Variants in HMCN1 observed in about 807,000 individuals in gnomAD.
The protein encoded by HMCN1 is hemicentin-1.
A neutral mutation model predicts 625.9 loss-of-function variants in HMCN1; 321 were observed. That is an observed-to-expected ratio of 0.51 (90% confidence interval 0.47 to 0.56). HMCN1 has a LOEUF of 0.56. Ranked by LOEUF, HMCN1 falls within the 20% of genes least tolerant of loss-of-function variation. HMCN1 has a pLI of 0.00. For synonymous variants in HMCN1, 2,425 were observed against 2,417.6 expected, an observed-to-expected ratio of 1.00 and a Z score of -0.09; for missense variants, 6,588 against 6,887.3, an observed-to-expected ratio of 0.96 and a Z score of 1.54.
intron 52 of HMCN1, among the ~76,000 whole-genome samples, chr1:186,073,182 A>G (rs975284664): frequency 1.3e-5 from 2 of 152,166 alleles, no homozygotes; most frequent in African/African-American, 4.8e-5. Context: ...TAGTGTCCCA[A>G]AAGATAAGTG....
At chr1:185,850,725 C>T (rs553656723) in intron 2 of HMCN1, among the ~76,000 whole-genome samples, 1 of 152,068 alleles carries the variant, frequency 6.6e-6, no homozygotes, top group South Asian at 2.1e-4. Context: ...AAGCTGGGGT[C>T]TATTTCTCTG....
chr1:185,808,999 G>A (rs1461996711), intron 1 of HMCN1, among the ~76,000 whole-genome samples: 1 of 152,142 alleles, frequency 6.6e-6, no homozygotes, highest in Non-Finnish European at 1.5e-5. Context: ...TTGTGATCCA[G>A]AGCCAAAGGA....
chr1:186,154,931 A>C (rs962434245), intron 97 of HMCN1, among the ~76,000 whole-genome samples: 1 of 152,156 alleles, frequency 6.6e-6, no homozygotes, highest in African/African-American at 2.4e-5. Flanking sequence ...GTGGGGTTTT[A>C]ATGCTGGGAT....
intron 2 of HMCN1, among the ~76,000 whole-genome samples, chr1:185,850,059 C>T (rs1571443958): frequency 6.6e-6 from 1 of 152,070 alleles, no homozygotes; most frequent in African/African-American, 2.4e-5. Flanking sequence ...CTTTCATGTA[C>T]CCTTATTGCA....
chr1:186,189,398 C>A, intron 106 of HMCN1, 114 bp from the exon 107 acceptor site: 2 of 1,101,914 alleles, frequency 1.8e-6, no homozygotes, highest in Non-Finnish European at 2.7e-6. Flanking sequence ...CTTTTACAGC[C>A]AGGCTGCCTA....
At position 186,180,812 on chromosome 1, in the gene HMCN1, T is replaced by C. The variant is rs542737878; in HGVS notation, c.16295-1356T>C. ...ATAGGCTTAAACATTTCTTAAAATA[T>C]GGTATTTTATAGTATTGGGACTAAT... On this transcript the variant is annotated intron_variant, in intron 104 of 106. Coordinates refer to ENST00000271588, the MANE Select transcript of HMCN1 (RefSeq NM_031935.3). Among the ~76,000 whole-genome samples the C allele has an allele frequency of 8.5e-5, 13 of 152,302 alleles. No homozygotes were observed. The East Asian group carries it at 2.3e-3, about 27-fold the overall frequency.
chr1:185,911,653 C>T (rs1462300960), intron 5 of HMCN1, 21 bp from the exon 6 acceptor site: 1 of 1,516,798 alleles, frequency 6.6e-7, no homozygotes, highest in Admixed American at 1.7e-5. Flanking sequence ...GTGCTTGTTA[C>T]CTTTATGTTC....
intron 42 of HMCN1, 116 bp from the exon 43 acceptor site, chr1:186,052,836 C>A: frequency 1.1e-6 from 1 of 881,302 alleles, no homozygotes. Context: ...ATGTCAACCT[C>A]ATATGACAAT....
At chr1:185,827,171 C>CAAAAAAAAAAAAAAA in intron 1 of HMCN1, among the ~76,000 whole-genome samples, 1 of 43,182 alleles carries the variant, frequency 2.3e-5, no homozygotes, top group Non-Finnish European at 5.3e-5. Context: ...GACTCCATCT[C>CAAAAAAAAAAAAAAA]AAAAAAAAAA....
chr1:186,006,037 G>A (rs1653609258), intron 29 of HMCN1, among the ~76,000 whole-genome samples: 1 of 151,426 alleles, frequency 6.6e-6, no homozygotes, highest in Non-Finnish European at 1.5e-5. Flanking sequence ...TTGGGAGGCC[G>A]AGGCAGGAGA....
intron 45 of HMCN1, among the ~76,000 whole-genome samples, chr1:186,056,309 T>C (rs1348180790): frequency 6.6e-6 from 1 of 152,046 alleles, no homozygotes; most frequent in Non-Finnish European, 1.5e-5. Flanking sequence ...GCCAAAGCTA[T>C]AGGAATCACA....
intron 6 of HMCN1, among the ~76,000 whole-genome samples, chr1:185,919,695 G>C (rs907082962): frequency 6.6e-6 from 1 of 152,126 alleles, no homozygotes; most frequent in Admixed American, 6.6e-5. Context: ...AGAAACGCGT[G>C]GGGTAGCTGT....
At position 186,046,381 on chromosome 1, in the gene HMCN1, A is replaced by G. The variant is rs548378408; in HGVS notation, c.6480+518A>G. Among the ~76,000 whole-genome samples, 4 of 152,252 alleles carry G rather than the reference A, an allele frequency of 2.6e-5. No individual in the cohort carries two copies. The South Asian group carries it at 8.3e-4, about 32-fold the overall frequency. ...CTACTTGGGAGACTGAGGAAAGAGA[A>G]CTGCCTGAACCCGGGAGGTGGAGGT... On this transcript the variant is annotated intron_variant, in intron 41 of 106. Coordinates refer to ENST00000271588, the MANE Select transcript of HMCN1 (RefSeq NM_031935.3).
intron 1 of HMCN1, among the ~76,000 whole-genome samples, chr1:185,744,049 C>T (rs1345652429): frequency 2.3e-5 from 3 of 132,642 alleles, no homozygotes; most frequent in South Asian, 2.4e-4. Context: ...AGTGCAGTGG[C>T]GCAATCTCGG....
chr1:186,160,303 TTCTC>T (rs1254553497), intron 97 of HMCN1, among the ~76,000 whole-genome samples: 12 of 148,068 alleles, frequency 8.1e-5, no homozygotes, highest in Admixed American at 1.3e-4. Flanking sequence ...TATTTGATTC[TTCTC>T]TCTTTTTTTC....
Position 186,095,532 on chromosome 1 carries a change from A to G in HMCN1, c.10573+11A>G, listed in dbSNP as rs1453650840. 1.2e-6 allele frequency: 2 copies of G among 1,611,342 alleles called. No homozygotes were observed. The highest frequency in any genetic ancestry group is 2.7e-5 in the African/African-American group (2 of 74,842). ...TCCTCAAGGTCCTAGGTATGTAAAC[A>G]TTGTGGTAAATGTAGAATAATTGGA... On this transcript the variant is annotated intron_variant, in intron 68 of 106. Coordinates refer to ENST00000271588, the MANE Select transcript of HMCN1 (RefSeq NM_031935.3).
chr1:186,096,561 A>G lies in HMCN1; in HGVS notation c.10573+1040A>G, dbSNP rs148835766. On this transcript the variant is annotated intron_variant, in intron 68 of 106. Coordinates refer to ENST00000271588, the MANE Select transcript of HMCN1 (RefSeq NM_031935.3). ...TGACTTCCATAGAATGGAGGCCGGT[A>G]GTAAAGGAAGTTCTCCAGGATATTT... Among the ~76,000 whole-genome samples the G allele has an allele frequency of 3.0e-3, 458 of 152,272 alleles. 12 individuals carry two copies. The South Asian group carries it at 0.042, about 14-fold the overall frequency.
chr1:186,033,062 ACG>A (rs898657459), intron 36 of HMCN1, among the ~76,000 whole-genome samples: 4 of 142,024 alleles, frequency 2.8e-5, no homozygotes, highest in East Asian at 1.9e-4. Context: ...ATATACACAC[ACG>A]CACACACACA....
intron 4 of HMCN1, among the ~76,000 whole-genome samples, chr1:185,900,241 A>G (rs1344588838): frequency 6.6e-6 from 1 of 151,970 alleles, no homozygotes; most frequent in East Asian, 1.9e-4. Context: ...TAAGATTTGT[A>G]CAGTTGTTTC....
Sources: gnomAD v4.1 joint callset for allele counts (sites outside exome capture counted in the v4.1 genomes callset) on GRCh38, gnomAD v4.1.1 for gene constraint, MANE v1.5 for transcripts, NCBI Gene and HGNC (gene_info 2026-07-23, HGNC 2026-07-21) for gene names.